ULK4: variants seen among roughly 807,000 people sequenced by gnomAD.
The protein encoded by ULK4 is unc-51 like kinase 4, also known as inactive serine/threonine-protein kinase ULK4.
Under a neutral mutation model 160.6 loss-of-function variants are expected in ULK4, and 133 were observed. The ratio of observed to expected loss-of-function variants is 0.83; its 90% CI spans 0.72 to 0.96. The LOEUF (loss-of-function observed/expected upper bound fraction) is 0.96, where lower values mean the gene tolerates loss of function less well. Among genes scored for constraint, ULK4 ranks in the 40% least tolerant of loss-of-function variants. The pLI, the probability that ULK4 is intolerant of heterozygous loss-of-function variation, is 0.00. For missense variants in ULK4, 1,580 were observed against 1,499.5 expected (o/e 1.05, Z -0.89); for synonymous variants, 534 against 539.8 (o/e 0.99, Z 0.15).
chr3:41,448,780 G>C (rs965459383), intron 34 of ULK4, among the ~76,000 whole-genome samples: 1 of 152,216 alleles, frequency 6.6e-6, no homozygotes, highest in African/African-American at 2.4e-5. Context: ...GCAGGATGGC[G>C]AAGGAAAAGA....
chr3:41,336,391 A>G lies in ULK4; in HGVS notation c.3678+61688T>C, dbSNP rs557496066. Among the ~76,000 whole-genome samples, 6 of 152,300 alleles carry G rather than the reference A, an allele frequency of 3.9e-5. No individual in the cohort carries two copies. The East Asian group carries it at 7.7e-4, about 20-fold the overall frequency. On this transcript the variant is annotated intron_variant, in intron 35 of 36. Coordinates refer to ENST00000301831, the MANE Select transcript of ULK4 (RefSeq NM_017886.4). ...CAAGCTCCCTCTGAAACACTCTTCA[A>G]TGTTACTGGGGTCCAAATTAGGGAA...
At chr3:41,387,836 G>A (rs1339823265) in intron 35 of ULK4, among the ~76,000 whole-genome samples, 1 of 152,098 alleles carries the variant, frequency 6.6e-6, no homozygotes, top group Non-Finnish European at 1.5e-5. Flanking sequence ...GTAAACGTAC[G>A]TGTGCATGTG....
chr3:41,677,838 T>C (rs957657507), intron 29 of ULK4, among the ~76,000 whole-genome samples: 1 of 152,098 alleles, frequency 6.6e-6, no homozygotes, highest in African/African-American at 2.4e-5. Flanking sequence ...TGTGATGGTG[T>C]TCCTGGATGA....
intron 32 of ULK4, among the ~76,000 whole-genome samples, chr3:41,481,193 CA>C (rs1187279317): frequency 6.6e-6 from 1 of 152,296 alleles, no homozygotes; most frequent in East Asian, 1.9e-4. Context: ...ACCTAACCCC[CA>C]CATTGTTCAG....
chr3:41,816,627 C>T (rs1397377056), intron 19 of ULK4, among the ~76,000 whole-genome samples: 9 of 151,994 alleles, frequency 5.9e-5, no homozygotes, highest in African/African-American at 1.9e-4. Context: ...CTAGCCTGGG[C>T]GACATGGTGA....
chr3:41,890,080 G>A (rs1465983295), intron 16 of ULK4, among the ~76,000 whole-genome samples: 1 of 152,192 alleles, frequency 6.6e-6, no homozygotes, highest in Non-Finnish European at 1.5e-5. Flanking sequence ...GTAGATGAGT[G>A]GTTGCCAGGG....
chr3:41,681,266 T>C (rs6800793), intron 29 of ULK4, among the ~76,000 whole-genome samples: 19,982 of 152,158 alleles, frequency 0.13, 3,077 homozygotes, highest in African/African-American at 0.37. Context: ...CAAAATCATG[T>C]TTCTGGCAAA....
At chr3:41,474,989 G>A (rs1471472453) in intron 32 of ULK4, among the ~76,000 whole-genome samples, 1 of 151,990 alleles carries the variant, frequency 6.6e-6, no homozygotes, top group Non-Finnish European at 1.5e-5. Flanking sequence ...CCACTTCTGG[G>A]TATTTACCCA....
At chr3:41,840,635 C>T (rs1029194822) in intron 17 of ULK4, among the ~76,000 whole-genome samples, 2 of 152,234 alleles carry the variant, frequency 1.3e-5, no homozygotes, top group African/African-American at 2.4e-5. Flanking sequence ...CTCGGCCTCC[C>T]GGGGTGCTGG....
chr3:41,371,540 G>A (rs940411601), intron 35 of ULK4, among the ~76,000 whole-genome samples: 31 of 152,264 alleles, frequency 2.0e-4, no homozygotes, highest in African/African-American at 7.0e-4. Context: ...TCCTGCTGAC[G>A]AGCAGAAGAG....
intron 16 of ULK4, among the ~76,000 whole-genome samples, chr3:41,886,667 C>G (rs1474088696): frequency 2.0e-5 from 3 of 151,890 alleles, no homozygotes; most frequent in African/African-American, 7.3e-5. Flanking sequence ...CCTCCGCCTC[C>G]TGGGTTCAAG....
At chr3:41,615,568 C>G in intron 31 of ULK4, 101 bp downstream of exon 31, 1 of 1,125,058 alleles carries the variant, frequency 8.9e-7, no homozygotes, top group East Asian at 2.6e-5. Flanking sequence ...TACAATCCTT[C>G]AGGGCAGAGG....
At chr3:41,864,045 T>G (rs1490232124) in intron 17 of ULK4, among the ~76,000 whole-genome samples, 1 of 152,130 alleles carries the variant, frequency 6.6e-6, no homozygotes, top group Non-Finnish European at 1.5e-5. Flanking sequence ...TGGCCTAGAC[T>G]GCCTTTCAAA....
intron 16 of ULK4, among the ~76,000 whole-genome samples, chr3:41,888,493 G>A (rs1489352731): frequency 1.3e-5 from 2 of 152,144 alleles, no homozygotes; most frequent in Admixed American, 6.5e-5. Context: ...TCAAGGACTT[G>A]GAACAAACTA....
intron 12 of ULK4, among the ~76,000 whole-genome samples, chr3:41,905,371 A>AGTTTT (rs1271183499): frequency 6.6e-6 from 1 of 152,210 alleles, no homozygotes; most frequent in African/African-American, 2.4e-5. Context: ...TACTAATAAA[A>AGTTTT]CTATAAAACT....
At chr3:41,545,837 G>A (rs561126453) in intron 32 of ULK4, among the ~76,000 whole-genome samples, 69 of 152,078 alleles carry the variant, frequency 4.5e-4, no homozygotes, top group African/African-American at 1.7e-3. Flanking sequence ...TCTCACATGG[G>A]AAAATTTCTA....
chr3:41,263,427 G>A (rs2078980152), intron 35 of ULK4, among the ~76,000 whole-genome samples: 1 of 152,062 alleles, frequency 6.6e-6, no homozygotes, highest in South Asian at 2.1e-4. Context: ...TGGATGGAGG[G>A]AAGCAAAGTA....
rs575007690 is a variant in ULK4 at position 41,906,605 on chromosome 3, GA to G, written c.1182+1239del. ...CCAAATATTCACCAGCTGATGACTGGAAAAAAAAAAAGATGTTGTATATACA... is the reference window on the plus strand; with the variant it reads ...CCAAATATTCACCAGCTGATGACTGGAAAAAAAAAAGATGTTGTATATACA... On this transcript the variant is annotated intron_variant, in intron 12 of 36. Coordinates refer to ENST00000301831, the MANE Select transcript of ULK4 (RefSeq NM_017886.4). Among the ~76,000 whole-genome samples, 44 of 144,040 alleles carry G rather than the reference GA, an allele frequency of 3.1e-4. 1 individual carries two copies. Among genetic ancestry groups the G allele is most frequent in the South Asian group, 4.4e-4 (2 of 4,566 alleles). 94.5% of individuals were successfully genotyped at this position (144,040 alleles called of 152,430 possible).
At chr3:41,713,309 A>C (rs756562945) in intron 25 of ULK4, among the ~76,000 whole-genome samples, 20 of 152,208 alleles carry the variant, frequency 1.3e-4, no homozygotes, top group Non-Finnish European at 2.6e-4. Flanking sequence ...TTATGAATTC[A>C]TAGAAGCAAC....
Sources: allele counts gnomAD v4.1 joint callset (sites outside exome capture counted in the v4.1 genomes callset), GRCh38; gene constraint gnomAD v4.1.1; transcripts MANE v1.5; gene names NCBI Gene and HGNC (gene_info 2026-07-23, HGNC 2026-07-21).